PDE6A: variants seen among roughly 807,000 people sequenced by gnomAD.
PDE6A encodes rod cGMP-specific 3',5'-cyclic phosphodiesterase subunit alpha.
In PDE6A, 84 loss-of-function variants were observed where a neutral mutation model predicts 106.3. That is an observed-to-expected ratio of 0.79 (90% CI 0.66 to 0.95). PDE6A has a LOEUF of 0.95. Among genes scored for constraint, PDE6A ranks in the 40% least tolerant of loss-of-function variants. The probability of loss-of-function intolerance (pLI) is 0.00; values close to 1 mark genes in which losing one functional copy is unlikely to be tolerated. For missense variants in PDE6A, 1,052 were observed against 1,084.9 expected (o/e 0.97, Z 0.43); for synonymous variants, 394 against 386.6 (o/e 1.02, Z -0.23).
chr5:149,932,355 A>T (rs536906582), intron 3 of PDE6A: 1 of 1,416,356 alleles, frequency 7.1e-7, no homozygotes, highest in Non-Finnish European at 1.0e-6. Flanking sequence ...TTCTAAATCC[A>T]GAAAATCTAG....
chr5:149,885,586 G>C (rs1242367525), intron 14 of PDE6A, among the ~76,000 whole-genome samples: 1 of 152,156 alleles, frequency 6.6e-6, no homozygotes, highest in Non-Finnish European at 1.5e-5. Context: ...CTGTAAATAC[G>C]AGATGAGTGA....
At chr5:149,938,946 T>G (rs927865767) in intron 1 of PDE6A, among the ~76,000 whole-genome samples, 1 of 152,136 alleles carries the variant, frequency 6.6e-6, no homozygotes, top group African/African-American at 2.4e-5. Context: ...TGCTAAAGGT[T>G]GAGAGTATCA....
At position 149,913,791 on chromosome 5, in the gene PDE6A, A is replaced by G. The variant is rs912687709; in HGVS notation, c.998+1152T>C. On this transcript the variant is annotated intron_variant, in intron 6 of 21. Coordinates refer to ENST00000255266, the MANE Select transcript of PDE6A (RefSeq NM_000440.3). Reference sequence around the variant, plus strand: ...TAGCACGTGGAGAGGATTCAAACAGAGAAGAAGGTAACTAGGTTTTTGAGA... The same window carrying G: ...TAGCACGTGGAGAGGATTCAAACAGGGAAGAAGGTAACTAGGTTTTTGAGA... Among the ~76,000 whole-genome samples, 8 of 152,328 alleles carry G rather than the reference A, an allele frequency of 5.3e-5. No homozygotes were observed. The East Asian group carries it at 1.5e-3, about 29-fold the overall frequency.
At position 149,931,074 on chromosome 5, in the gene PDE6A, T is replaced by C. The variant is rs1451266754; in HGVS notation, c.812A>G (p.Asn271Ser). ...GAGACCCACAGAGTATCTGTCACAG[T>C]TGAGGAAAGCACGGACTGTGTACAG... is the stretch of plus-strand genomic sequence containing the variant. ...KALYTVRAFL[N>S]CDRYSVGLLD... Residue 271 changes from asparagine to serine, a missense_variant, in exon 4 of 22, where the codon AAC becomes AGC. Transcript: ENST00000255266. 6.2e-7 allele frequency: 1 copy of C among 1,614,022 alleles called. No individual in the cohort carries two copies. Among genetic ancestry groups the C allele is most frequent in the African/African-American group, 1.3e-5 (1 of 74,926 alleles).
Position 149,863,947 on chromosome 5 carries a change from ACT to A in PDE6A, c.2359-683_2359-682del, listed in dbSNP as rs1561673252. On this transcript the variant is annotated intron_variant, in intron 20 of 21. Coordinates refer to ENST00000255266, the MANE Select transcript of PDE6A (RefSeq NM_000440.3). This position sits in a 1 kb window ranked among gnomAD's most constrained non-coding sequence, Gnocchi z 4.7. ...CCCAAGCTGTTCACTTTGCTGGAAC[ACT>A]CTAACCTCCCGTTTTCTTCCTTGAG... 6.6e-6 allele frequency among the ~76,000 whole-genome samples: 1 copy of A among 151,738 alleles called. No individual in the cohort carries two copies. Among genetic ancestry groups the A allele is most frequent in the South Asian group, 2.1e-4 (1 of 4,808 alleles).
chr5:149,934,454 C>T (rs1292935546), intron 2 of PDE6A, 112 bp downstream of exon 2: 1 of 1,029,648 alleles, frequency 9.7e-7, no homozygotes, highest in South Asian at 1.3e-5. Context: ...GGTGAATTCC[C>T]TGTCTTACAG....
chr5:149,912,683 G>A (rs1018777937), intron 6 of PDE6A, among the ~76,000 whole-genome samples: 1 of 152,050 alleles, frequency 6.6e-6, no homozygotes, highest in Non-Finnish European at 1.5e-5. Flanking sequence ...AACCACACCC[G>A]CTAGCTGGCA....
chr5:149,944,683 T>A lies in PDE6A; in HGVS notation c.-10A>T. ...CTGTCACCTCGCCCATGGCTGGGAATCCCACTGGCTACTCTGTAGAAGGAC... is the reference window on the plus strand; with the variant it reads ...CTGTCACCTCGCCCATGGCTGGGAAACCCACTGGCTACTCTGTAGAAGGAC... On this transcript the variant is annotated 5_prime_UTR_variant, in exon 1 of 22. Coordinates refer to ENST00000255266, the MANE Select transcript of PDE6A (RefSeq NM_000440.3). 1 of 1,594,358 alleles carries A rather than the reference T, an allele frequency of 6.3e-7. No individual in the cohort carries two copies. The highest frequency in any genetic ancestry group is 1.8e-5 in the Admixed American group (1 of 57,066).
intron 20 of PDE6A, among the ~76,000 whole-genome samples, chr5:149,865,676 T>C (rs900937972): frequency 6.6e-6 from 1 of 152,218 alleles, no homozygotes; most frequent in Non-Finnish European, 1.5e-5. Context: ...ACTTTGCATC[T>C]CTGACTTTTG....
At chr5:149,903,766 C>T in intron 7 of PDE6A, 71 bp from the exon 8 acceptor site, 1 of 1,098,806 alleles carries the variant, frequency 9.1e-7, no homozygotes, top group South Asian at 1.2e-5. Context: ...GCACTGTATA[C>T]CATTTTCAGA....
At chr5:149,907,434 G>C (rs1753233907) in intron 6 of PDE6A, 56 bp from the exon 7 acceptor site, 1 of 1,441,564 alleles carries the variant, frequency 6.9e-7, no homozygotes, top group South Asian at 1.1e-5. Flanking sequence ...CTGGACTAAA[G>C]ACTAAAATCT....
In PDE6A at chr5:149,858,017, A is replaced by C. The variant is rs1760000980; in HGVS notation, c.*2878T>G. ...AATGTGTTACATGCGGCCACAAAGA[A>C]ACAAACAGATAAATACAGAATGTGG... On this transcript the variant is annotated 3_prime_UTR_variant, in exon 22 of 22. Transcript: ENST00000255266. 1 of 152,236 alleles carries C rather than the reference A, an allele frequency of 6.6e-6. No individual in the cohort carries two copies. Among genetic ancestry groups the C allele is most frequent in the Non-Finnish European group, 1.5e-5 (1 of 68,042 alleles). The allele number at this position is 152,236 out of a possible 1,614,324, so 9.4% of individuals were successfully genotyped here. A position where few individuals can be genotyped will look rare whatever the true frequency, so the allele number is the denominator to read the frequency against.
At chr5:149,862,175 C>G (rs1760166980) in intron 21 of PDE6A, among the ~76,000 whole-genome samples, 1 of 152,152 alleles carries the variant, frequency 6.6e-6, no homozygotes, top group Non-Finnish European at 1.5e-5. Context: ...TGTGAGGAAA[C>G]AGATCACACA....
In PDE6A at chr5:149,934,572, A is replaced by G. The variant is rs1201381114; in HGVS notation, c.621T>C (p.Asp207=). ...GTCTCTAAAGCATTCTTACCTCTTC[A>G]TCTCTCTTGGTGAAGTGGGATCCAT... ...KVDGSHFTKR[D]EEILLKYLNF... Residue 207 remains aspartate (D), a synonymous_variant, in exon 2 of 22, where the codon GAT becomes GAC. Transcript: ENST00000255266. The G allele has an allele frequency of 6.2e-7, 1 of 1,614,092 alleles. No individual in the cohort carries two copies. The highest frequency in any genetic ancestry group is 8.5e-7 in the Non-Finnish European group (1 of 1,179,976).
In PDE6A at chr5:149,898,675, T is replaced by C. The variant is rs79529708; in HGVS notation, c.1264-169A>G. ...TTCTTATAAGGCTAAGATAAAGGAATGGATGTGACCACACTGTACATAAAG... is the reference window on the plus strand; with the variant it reads ...TTCTTATAAGGCTAAGATAAAGGAACGGATGTGACCACACTGTACATAAAG... On this transcript the variant is annotated intron_variant, in intron 9 of 21. Transcript: ENST00000255266. 5.6e-3 allele frequency among the ~76,000 whole-genome samples: 851 copies of C among 152,328 alleles called. 10 individuals carry two copies. Among genetic ancestry groups the C allele is most frequent in the African/African-American group, 0.019 (796 of 41,576 alleles).
chr5:149,931,925 A>G (rs1754046585), intron 3 of PDE6A: 1 of 902,480 alleles, frequency 1.1e-6, no homozygotes. Flanking sequence ...AATGGCGTAC[A>G]ATGAAGAGAC....
intron 3 of PDE6A, among the ~76,000 whole-genome samples, chr5:149,932,861 C>G (rs114801486): frequency 6.6e-6 from 1 of 152,376 alleles, no homozygotes; most frequent in African/African-American, 2.4e-5. Context: ...CCGCCGCCCT[C>G]CGGCTCCCAG....
intron 1 of PDE6A, among the ~76,000 whole-genome samples, chr5:149,935,904 C>A (rs1161012018): frequency 6.6e-6 from 1 of 152,194 alleles, no homozygotes; most frequent in Non-Finnish European, 1.5e-5. Context: ...ATAATCCCAG[C>A]ACTTTGGAAG....
intron 1 of PDE6A, 22 bp from the exon 2 acceptor site, chr5:149,934,740 C>A (rs142804074): frequency 5.4e-5 from 87 of 1,612,948 alleles, no homozygotes; most frequent in Non-Finnish European, 7.3e-5. Flanking sequence ...CAGAGATAAG[C>A]ACGGACAGGC....
Sources: allele counts gnomAD v4.1 joint callset (sites outside exome capture counted in the v4.1 genomes callset), GRCh38; gene constraint gnomAD v4.1.1; non-coding constraint Gnocchi (gnomAD v3.1); transcripts MANE v1.5; gene names NCBI Gene and HGNC (gene_info 2026-07-23, HGNC 2026-07-21).